DLEC1: variants seen among roughly 807,000 people sequenced by gnomAD.
DLEC1 encodes deleted in lung and esophageal cancer protein 1.
A neutral mutation model predicts 198.1 loss-of-function variants in DLEC1; 146 were observed. The observed-to-expected ratio is 0.74, with a 90% CI of 0.64 to 0.85. DLEC1 has a LOEUF of 0.85. Among genes scored for constraint, DLEC1 ranks in the 40% least tolerant of loss-of-function variants. The pLI is 0.00. For synonymous variants in DLEC1, 897 were observed against 866.8 expected (o/e 1.03, Z -0.61); for missense variants, 2,233 against 2,220.0 (o/e 1.01, Z -0.12).
At chr3:38,102,540 C>G (rs1242466088) in intron 19 of DLEC1, among the ~76,000 whole-genome samples, 1 of 152,190 alleles carries the variant, frequency 6.6e-6, no homozygotes, top group Non-Finnish European at 1.5e-5. Flanking sequence ...TTTTCTTCTG[C>G]TTCTAGTAAT....
At position 38,062,889 on chromosome 3, in the gene DLEC1, T is replaced by C. The variant is rs1043661573; in HGVS notation, c.1094+88T>C. ...CCTCCGTTTGGTCTGGCTGTAGAGGTCCCTAGACTTGTGGGGCAGGGTAGC... is the reference window on the plus strand; with the variant it reads ...CCTCCGTTTGGTCTGGCTGTAGAGGCCCCTAGACTTGTGGGGCAGGGTAGC... On this transcript the variant is annotated intron_variant, in intron 5 of 36. Transcript: ENST00000308059. The C allele has an allele frequency of 3.6e-6, 5 of 1,385,336 alleles. No individual in the cohort carries two copies. In the African/African-American group the frequency reaches 5.8e-5, roughly 16 times the overall value. The allele number at this position is 1,385,336 out of a possible 1,614,324, so 85.8% of individuals were successfully genotyped here. A position where few individuals can be genotyped will look rare whatever the true frequency, so the allele number is the denominator to read the frequency against.
chr3:38,097,769 C>G lies in DLEC1; in HGVS notation c.2591C>G (p.Ser864Ter). 6.2e-7 allele frequency: 1 copy of G among 1,614,164 alleles called. No individual in the cohort carries two copies. Among genetic ancestry groups the G allele is most frequent in the African/African-American group, 1.3e-5 (1 of 75,046 alleles). Residue 864 changes from serine to a stop codon, truncating the protein, a stop_gained, in exon 18 of 37, where the codon TCA becomes TGA. Coordinates refer to ENST00000308059, the MANE Select transcript of DLEC1 (RefSeq NM_007335.4). LOFTEE classifies it high-confidence loss of function. ...FKGPALIINV[S>*]ALQFGLLRLG... ...GGGCCTGCCCTCATCATCAACGTCT[C>G]AGCCCTTCAGTTTGGTCTGCTCCGC...
chr3:38,040,247 TCTGTCCTCTAC>T, intron 1 of DLEC1, among the ~76,000 whole-genome samples: 1 of 152,170 alleles, frequency 6.6e-6, no homozygotes, highest in Non-Finnish European at 1.5e-5. Context: ...TCCTTTCTGT[TCTGTCCTCTAC>T]CTGCCCCTTA....
chr3:38,055,461 G>A (rs1696308630), intron 2 of DLEC1, among the ~76,000 whole-genome samples: 1 of 152,362 alleles, frequency 6.6e-6, no homozygotes, highest in South Asian at 2.1e-4. Flanking sequence ...ATGTGATACA[G>A]TGAGTGTGAC....
At position 38,092,846 on chromosome 3, in the gene DLEC1, C is replaced by T. The variant is rs761691976; in HGVS notation, c.1722C>T (p.Cys574=). The T allele has an allele frequency of 2.4e-5, 39 of 1,613,984 alleles. No individual in the cohort carries two copies. Among genetic ancestry groups the T allele is most frequent in the African/African-American group, 1.5e-4 (11 of 74,882 alleles). The change falls in exon 11 of 37, where the codon TGC becomes TGT. Residue 574 remains cysteine (C), a synonymous_variant. Coordinates refer to ENST00000308059, the MANE Select transcript of DLEC1 (RefSeq NM_007335.4). The part of the protein sequence containing the change: ...GKAEQTFIIM[C]DNCQIKELVT... ...CAGAGCAGACCTTCATCATCATGTG[C>T]GACAACTGCCAGATAAAGGAGCTGG... is the stretch of plus-strand genomic sequence containing the variant.
intron 2 of DLEC1, among the ~76,000 whole-genome samples, chr3:38,050,631 G>A (rs948077783): frequency 3.3e-5 from 5 of 152,124 alleles, no homozygotes; most frequent in African/African-American, 9.7e-5. Context: ...TACACATGAG[G>A]GGTCCACTCC....
intron 6 of DLEC1, among the ~76,000 whole-genome samples, chr3:38,075,628 G>A (rs1054284103): frequency 6.6e-6 from 1 of 152,038 alleles, no homozygotes; most frequent in African/African-American, 2.4e-5. Flanking sequence ...TGGAAATAAG[G>A]GGTTGGGGCA....
In DLEC1 at chr3:38,112,593, T is replaced by G. The variant is rs555904229; in HGVS notation, c.3666+232T>G. 6.6e-6 allele frequency among the ~76,000 whole-genome samples: 1 copy of G among 152,216 alleles called. No homozygotes were observed. The highest frequency in any genetic ancestry group is 1.9e-4 in the East Asian group (1 of 5,170). ...CATAAGCAGTAGAACTTTCCACACC[T>G]TTTCCCAGGAGATGCAGGGCTGGGG... On this transcript the variant is annotated intron_variant, in intron 25 of 36. Coordinates refer to ENST00000308059, the MANE Select transcript of DLEC1 (RefSeq NM_007335.4). This position sits in a 1 kb window ranked among gnomAD's most constrained non-coding sequence, Gnocchi z 4.8.
At chr3:38,099,297 G>A (rs1307872581) in intron 18 of DLEC1, among the ~76,000 whole-genome samples, 1 of 152,166 alleles carries the variant, frequency 6.6e-6, no homozygotes, top group African/African-American at 2.4e-5. Flanking sequence ...GCTTCCCCAA[G>A]GTCATACGGC....
chr3:38,054,055 G>GCGGAAGGC (rs1396183552), intron 2 of DLEC1, among the ~76,000 whole-genome samples: 2 of 152,018 alleles, frequency 1.3e-5, no homozygotes, highest in African/African-American at 4.8e-5. Context: ...CACAAACACT[G>GCGGAAGGC]CGGAAGGCCG....
At chr3:38,096,440 G>T in intron 14 of DLEC1, 129 bp from the exon 15 acceptor site, 1 of 1,098,948 alleles carries the variant, frequency 9.1e-7, no homozygotes, top group Non-Finnish European at 1.3e-6. Flanking sequence ...TTTGATTTAG[G>T]GGGCTCAGGA....
chr3:38,101,108 A>T (rs1285895727), intron 19 of DLEC1, among the ~76,000 whole-genome samples: 1 of 152,148 alleles, frequency 6.6e-6, no homozygotes, highest in East Asian at 1.9e-4. Flanking sequence ...GTACTGTTTC[A>T]TCCATATCCC....
intron 6 of DLEC1, among the ~76,000 whole-genome samples, chr3:38,066,399 C>T (rs772559393): frequency 3.9e-5 from 6 of 152,200 alleles, no homozygotes; most frequent in African/African-American, 7.2e-5. Flanking sequence ...CTTTCTTGTA[C>T]TCTCCTGATA....
At chr3:38,104,944 T>C (rs1380222829) in intron 19 of DLEC1, among the ~76,000 whole-genome samples, 1 of 152,184 alleles carries the variant, frequency 6.6e-6, no homozygotes, top group Non-Finnish European at 1.5e-5. Flanking sequence ...TTTACAAATA[T>C]AAATTTTCCT....
chr3:38,120,605 C>G lies in DLEC1; in HGVS notation c.4862C>G (p.Thr1621Ser). 4 of 1,613,158 alleles carry G rather than the reference C, an allele frequency of 2.5e-6. No individual in the cohort carries two copies. Among genetic ancestry groups the G allele is most frequent in the Non-Finnish European group, 2.5e-6 (3 of 1,180,010 alleles). ...CTCCTGGAGTACACCAACCAGACCA[C>G]TCAGGCACGCCCCAGGCCCACCTAC... Reference protein sequence around the residue: ...NLLLEYTNQTTQVVPLRAVVA... With the variant: ...NLLLEYTNQTSQVVPLRAVVA... Residue 1621 changes from threonine (T) to serine (S), a missense_variant, in exon 34 of 37, where the codon ACT (threonine) becomes AGT (serine). Transcript: ENST00000308059.
At position 38,122,596 on chromosome 3, in the gene DLEC1, G is replaced by A. The variant is rs765094374; in HGVS notation, c.*184G>A. ...TAGGCCCTCATGATATGTCCTCAGAGCTAACATAAAGGACAGGCCACACCA... is the reference window on the plus strand; with the variant it reads ...TAGGCCCTCATGATATGTCCTCAGAACTAACATAAAGGACAGGCCACACCA... On this transcript the variant is annotated 3_prime_UTR_variant, in exon 37 of 37. Transcript: ENST00000308059. The A allele has an allele frequency of 2.5e-6, 4 of 1,581,712 alleles. No homozygotes were observed. In the African/African-American group the frequency reaches 5.4e-5, roughly 21 times the overall value.
Position 38,063,835 on chromosome 3 carries a change from CCA to C in DLEC1, c.1095-3_1095-2del. ...GCCTTTCTCCCCCTCTTTTTTCATC[CCA>C]CAGTTGTGCTGATACTCCAGTGTTT... On this transcript the variant is annotated splice_polypyrimidine_tract_variant and splice_region_variant and intron_variant, in intron 5 of 36. Transcript: ENST00000308059. 6.2e-7 allele frequency: 1 copy of C among 1,611,578 alleles called. No homozygotes were observed. The highest frequency in any genetic ancestry group is 2.2e-5 in the East Asian group (1 of 44,798).
chr3:38,079,191 T>C (rs534583841), intron 6 of DLEC1, among the ~76,000 whole-genome samples: 15 of 152,168 alleles, frequency 9.9e-5, no homozygotes, highest in African/African-American at 3.1e-4. Context: ...CAATGAGATG[T>C]AGCTGTAATC....
At chr3:38,076,158 GA>G (rs1697605082) in intron 6 of DLEC1, among the ~76,000 whole-genome samples, 3 of 152,344 alleles carry the variant, frequency 2.0e-5, no homozygotes, top group Admixed American at 2.0e-4. Context: ...CGCCAAGATT[GA>G]AAGGAGAAAG....
Sources: gnomAD v4.1 joint callset for allele counts (sites outside exome capture counted in the v4.1 genomes callset) on GRCh38, gnomAD v4.1.1 for gene constraint, Gnocchi (gnomAD v3.1) non-coding constraint, MANE v1.5 for transcripts, NCBI Gene and HGNC (gene_info 2026-07-23, HGNC 2026-07-21) for gene names.